HS3ST2: variants seen among roughly 807,000 people sequenced by gnomAD.
The protein encoded by HS3ST2 is heparan sulfate glucosamine 3-O-sulfotransferase 2.
In HS3ST2, 17 loss-of-function variants were observed where a neutral mutation model predicts 26.3. The observed-to-expected ratio is 0.65, with a 90% CI of 0.44 to 0.97. The LOEUF (loss-of-function observed/expected upper bound fraction) is 0.97, where lower values mean the gene tolerates loss of function less well. Among genes scored for constraint, HS3ST2 ranks in the 50% least tolerant of loss-of-function variants. The pLI is 0.00. For synonymous variants in HS3ST2, 237 were observed against 219.2 expected (o/e 1.08, Z -0.72); for missense variants, 402 against 501.2 (o/e 0.80, Z 1.89).
At chr16:22,836,469 T>C (rs1901256218) in intron 1 of HS3ST2, among the ~76,000 whole-genome samples, 2 of 152,236 alleles carry the variant, frequency 1.3e-5, no homozygotes. Context: ...ACTTAAGTCT[T>C]ATAACTGTAT....
At chr16:22,857,329 T>G (rs1901609824) in intron 1 of HS3ST2, among the ~76,000 whole-genome samples, 1 of 152,248 alleles carries the variant, frequency 6.6e-6, no homozygotes, top group South Asian at 2.1e-4. Flanking sequence ...CCGTCTTCTT[T>G]CTTCAAGCTA....
intron 1 of HS3ST2, among the ~76,000 whole-genome samples, chr16:22,892,829 A>C (rs553541544): frequency 4.1e-4 from 63 of 152,302 alleles, no homozygotes; most frequent in African/African-American, 1.5e-3. Flanking sequence ...GGCTCTTCAA[A>C]ATGCGTTGGC....
chr16:22,848,528 TA>T (rs1454633231), intron 1 of HS3ST2, among the ~76,000 whole-genome samples: 4 of 147,948 alleles, frequency 2.7e-5, no homozygotes, highest in East Asian at 2.0e-4. Context: ...AGCATTTTTT[TA>T]AAAAGCCTCA....
At chr16:22,876,955 C>A (rs915922938) in intron 1 of HS3ST2, among the ~76,000 whole-genome samples, 2 of 152,058 alleles carry the variant, frequency 1.3e-5, no homozygotes, top group Non-Finnish European at 2.9e-5. Flanking sequence ...AAGAATGATA[C>A]AATGGACTTT....
chr16:22,903,892 C>T (rs2141205395), intron 1 of HS3ST2, among the ~76,000 whole-genome samples: 1 of 152,300 alleles, frequency 6.6e-6, no homozygotes, highest in African/African-American at 2.4e-5. Flanking sequence ...ATTGAGGGGA[C>T]TGCCAGGGCC....
chr16:22,847,367 T>TC (rs1901450113), intron 1 of HS3ST2, among the ~76,000 whole-genome samples: 1 of 152,158 alleles, frequency 6.6e-6, no homozygotes, highest in Admixed American at 6.5e-5. Flanking sequence ...CACACCTTCT[T>TC]TACACAGATA....
intron 1 of HS3ST2, among the ~76,000 whole-genome samples, chr16:22,827,079 A>G (rs1351535214): frequency 6.6e-6 from 1 of 152,118 alleles, no homozygotes; most frequent in Non-Finnish European, 1.5e-5. Context: ...AGAAGGCAAT[A>G]TTTGAGTGAT....
At chr16:22,824,694 C>A (rs1239348213) in intron 1 of HS3ST2, among the ~76,000 whole-genome samples, 1 of 152,200 alleles carries the variant, frequency 6.6e-6, no homozygotes, top group Non-Finnish European at 1.5e-5. Context: ...GTGCTTTTAA[C>A]TGTGTAAAAG....
intron 1 of HS3ST2, among the ~76,000 whole-genome samples, chr16:22,863,027 G>T (rs1266234161): frequency 6.6e-6 from 1 of 152,230 alleles, no homozygotes; most frequent in African/African-American, 2.4e-5. Context: ...CCATTCCTCA[G>T]CCGACTACAG....
chr16:22,863,280 CT>C (rs1596618293), intron 1 of HS3ST2, among the ~76,000 whole-genome samples: 1 of 152,202 alleles, frequency 6.6e-6, no homozygotes, highest in East Asian at 1.9e-4. Flanking sequence ...CATGACTGTG[CT>C]CATAAAAATG....
At chr16:22,843,491 T>A (rs1307476566) in intron 1 of HS3ST2, among the ~76,000 whole-genome samples, 1 of 152,106 alleles carries the variant, frequency 6.6e-6, no homozygotes, top group African/African-American at 2.4e-5. Flanking sequence ...ACCTCCTATT[T>A]GAGATTGATT....
intron 1 of HS3ST2, among the ~76,000 whole-genome samples, chr16:22,824,634 G>A (rs376849): frequency 0.14 from 21,872 of 152,138 alleles, 1,690 homozygotes; most frequent in East Asian, 0.22. Context: ...GCTTTCTCAG[G>A]CAGTTTAATT....
At chr16:22,899,647 A>G (rs546171209) in intron 1 of HS3ST2, among the ~76,000 whole-genome samples, 67 of 152,282 alleles carry the variant, frequency 4.4e-4, no homozygotes, top group African/African-American at 1.4e-3. Flanking sequence ...ATAGACTCAC[A>G]GTTCAGCGTG....
At chr16:22,905,175 G>A (rs1902334387) in intron 1 of HS3ST2, among the ~76,000 whole-genome samples, 1 of 152,192 alleles carries the variant, frequency 6.6e-6, no homozygotes, top group African/African-American at 2.4e-5. Context: ...AAATTTAGCA[G>A]AAAATGAAAT....
intron 1 of HS3ST2, among the ~76,000 whole-genome samples, chr16:22,838,521 G>A (rs1255550662): frequency 6.6e-6 from 1 of 152,112 alleles, no homozygotes; most frequent in Non-Finnish European, 1.5e-5. Context: ...GTTCAATCCA[G>A]GTGTATGGTA....
At chr16:22,835,931 A>G (rs1901247468) in intron 1 of HS3ST2, among the ~76,000 whole-genome samples, 1 of 152,156 alleles carries the variant, frequency 6.6e-6, no homozygotes, top group Non-Finnish European at 1.5e-5. Flanking sequence ...ACAAGGAAGT[A>G]TTTTGGAAAA....
At chr16:22,892,090 C>T (rs208616) in intron 1 of HS3ST2, among the ~76,000 whole-genome samples, 65,892 of 144,554 alleles carry the variant, frequency 0.46, 15,424 homozygotes, top group Admixed American at 0.55. Flanking sequence ...CTGGCCAACA[C>T]GGTGAAACCC....
rs112042024 is a variant in HS3ST2 at position 22,862,247 on chromosome 16, C to A, written c.485+47152C>A. ...CAACTGTGTGTGTGTGGGTGTGTGT[C>A]TCATTCATGAAGCAGGCTTCTCCTC... is the stretch of plus-strand genomic sequence containing the variant. On this transcript the variant is annotated intron_variant, in intron 1 of 1. Coordinates refer to ENST00000261374, the MANE Select transcript of HS3ST2 (RefSeq NM_006043.2). Among the ~76,000 whole-genome samples the A allele has an allele frequency of 4.9e-3, 733 of 148,938 alleles. 2 individuals carry two copies. The highest frequency in any genetic ancestry group is 7.0e-3 in the Middle Eastern group (2 of 284).
At chr16:22,880,726 T>C (rs1247270844) in intron 1 of HS3ST2, among the ~76,000 whole-genome samples, 1 of 152,146 alleles carries the variant, frequency 6.6e-6, no homozygotes, top group Non-Finnish European at 1.5e-5. Context: ...TCTTCAGGAA[T>C]GGCATGTGAC....
Sources: gnomAD v4.1 joint callset for allele counts (sites outside exome capture counted in the v4.1 genomes callset) on GRCh38, gnomAD v4.1.1 for gene constraint, MANE v1.5 for transcripts, NCBI Gene and HGNC (gene_info 2026-07-23, HGNC 2026-07-21) for gene names.